The following CEP162 variants were observed in gnomAD, a reference collection of about 807,000 sequenced individuals.
CEP162 encodes centrosomal protein 162.
A neutral mutation model predicts 169.2 loss-of-function variants in CEP162; 141 were observed. The observed-to-expected ratio is 0.83, with a 90% CI of 0.73 to 0.96. The LOEUF (loss-of-function observed/expected upper bound fraction) is 0.96. Ranked by LOEUF, CEP162 falls within the 40% of genes least tolerant of loss-of-function variation. CEP162 has a pLI of 0.00. For missense variants in CEP162, 1,600 were observed against 1,587.2 expected (o/e 1.01, Z -0.14); for synonymous variants, 540 against 526.4 (o/e 1.03, Z -0.35).
Position 84,186,525 on chromosome 6 carries a change from T to C in CEP162, c.1208A>G (p.Asn403Ser). Reference protein sequence around the residue: ...NILSQDSQHVNLFFDKNDENV... With the variant: ...NILSQDSQHVSLFFDKNDENV... The stretch of plus-strand genomic sequence containing the variant: ...CTCATCATTTTTGTCAAAAAAAAGG[T>C]TCACATGTTGTGAGTCTTGAGACAA... The change falls in exon 12 of 27, where the codon AAC becomes AGC. Residue 403 changes from asparagine (N) to serine (S), a missense_variant. By Grantham distance (46) the Asn-to-Ser change is conservative. Transcript: ENST00000403245. 6.2e-7 allele frequency: 1 copy of C among 1,612,984 alleles called. No homozygotes were observed. Among genetic ancestry groups the C allele is most frequent in the African/African-American group, 1.3e-5 (1 of 75,020 alleles).
At chr6:84,157,817 G>A (rs540261511) in intron 21 of CEP162, among the ~76,000 whole-genome samples, 1 of 152,110 alleles carries the variant, frequency 6.6e-6, no homozygotes, top group African/African-American at 2.4e-5. Context: ...ACATGAGTGT[G>A]TAAACTTTTT....
intron 13 of CEP162, among the ~76,000 whole-genome samples, chr6:84,177,924 G>A (rs192895788): frequency 2.0e-5 from 3 of 152,290 alleles, no homozygotes; most frequent in East Asian, 1.9e-4. Context: ...AGGACACACC[G>A]TTATTTAGTG....
At chr6:84,200,166 C>T (rs1417799170) in intron 9 of CEP162, among the ~76,000 whole-genome samples, 1 of 152,164 alleles carries the variant, frequency 6.6e-6, no homozygotes, top group African/African-American at 2.4e-5. Flanking sequence ...GACAGAATTG[C>T]ATGAACCTGG....
chr6:84,151,225 G>A (rs535423585), intron 23 of CEP162, among the ~76,000 whole-genome samples: 3 of 152,124 alleles, frequency 2.0e-5, no homozygotes, highest in African/African-American at 7.2e-5. Context: ...AGTGACCCAG[G>A]TATATGAGTA....
rs1162254788 is a variant in CEP162, at chr6:84,163,181, CTCTT to C, written c.2471_2474del (p.Lys824ArgfsTer20). 3.7e-6 allele frequency: 6 copies of C among 1,613,386 alleles called. No homozygotes were observed. Among genetic ancestry groups the C allele is most frequent in the South Asian group, 1.1e-5 (1 of 91,078 alleles). On this transcript the variant is annotated frameshift_variant, in exon 19 of 27. Transcript: ENST00000403245. LOFTEE classifies it high-confidence loss of function. ...CAATCTGATCTTTGGCTTGGTCCCT[CTCTT>C]TCTTCATTTTTTCGAAGTCTACTTC... is the stretch of plus-strand genomic sequence containing the variant.
chr6:84,202,793 T>C (rs2099545149), intron 7 of CEP162, among the ~76,000 whole-genome samples: 1 of 152,136 alleles, frequency 6.6e-6, no homozygotes, highest in African/African-American at 2.4e-5. Context: ...ATATTCCAAG[T>C]ATAAATCTCA....
chr6:84,222,223 T>C (rs73487272), intron 2 of CEP162, among the ~76,000 whole-genome samples: 3,188 of 152,196 alleles, frequency 0.021, 104 homozygotes, highest in African/African-American at 0.071. Flanking sequence ...ATGCCACAAA[T>C]AAAGTACCAC....
At chr6:84,176,486 T>A (rs1389314663) in intron 13 of CEP162, among the ~76,000 whole-genome samples, 2 of 152,128 alleles carry the variant, frequency 1.3e-5, no homozygotes, top group African/African-American at 4.8e-5. Flanking sequence ...ATTAAATGAA[T>A]GGGGTGTGAT....
intron 25 of CEP162, among the ~76,000 whole-genome samples, chr6:84,134,927 C>T (rs867332914): frequency 0.02 from 3,009 of 147,848 alleles, 86 homozygotes; most frequent in African/African-American, 0.072. Flanking sequence ...TATACACACA[C>T]ACACACACAC....
chr6:84,194,153 G>C (rs1208140856), intron 10 of CEP162, among the ~76,000 whole-genome samples: 1 of 151,996 alleles, frequency 6.6e-6, no homozygotes, highest in African/African-American at 2.4e-5. Flanking sequence ...TCAGGAGTTC[G>C]AGAGCAGCCT....
intron 22 of CEP162, among the ~76,000 whole-genome samples, chr6:84,154,435 C>A (rs1275693821): frequency 1.3e-5 from 2 of 151,840 alleles, no homozygotes; most frequent in Non-Finnish European, 2.9e-5. Context: ...ATAGAAGAAA[C>A]CCAACCTCCT....
Position 84,149,667 on chromosome 6 carries a change from G to C in CEP162, c.3666C>G (p.Leu1222=). Residue 1222 remains leucine, a synonymous_variant, in exon 24 of 27, where the codon CTC becomes CTG. Transcript: ENST00000403245. The part of the protein sequence containing the change: ...KEDTAAHIAS[L]KASHQREIEK... ...CTATTTCTCTCTGATGAGATGCTTT[G>C]AGGGATGCAATGTGTGCTGCAGTAT... 3 of 1,588,054 alleles carry C rather than the reference G, an allele frequency of 1.9e-6. No individual in the cohort carries two copies. The highest frequency in any genetic ancestry group is 2.6e-6 in the Non-Finnish European group (3 of 1,165,910).
chr6:84,147,041 C>G (rs975000575), intron 24 of CEP162, among the ~76,000 whole-genome samples: 1 of 152,102 alleles, frequency 6.6e-6, no homozygotes, highest in African/African-American at 2.4e-5. Context: ...ACACCTGGCA[C>G]TTGCATGTTT....
At chr6:84,180,095 A>G (rs904934299) in intron 13 of CEP162, among the ~76,000 whole-genome samples, 3 of 152,226 alleles carry the variant, frequency 2.0e-5, no homozygotes, top group African/African-American at 2.4e-5. Flanking sequence ...AAAATCCTCA[A>G]TGAAATACTG....
chr6:84,225,462 C>T (rs148657748), intron 2 of CEP162, among the ~76,000 whole-genome samples: 29 of 152,250 alleles, frequency 1.9e-4, no homozygotes, highest in Middle Eastern at 3.4e-3. Context: ...TATAATCTTA[C>T]GGAACCATTG....
chr6:84,206,402 C>G (rs1015237077), intron 6 of CEP162, among the ~76,000 whole-genome samples: 3 of 152,070 alleles, frequency 2.0e-5, no homozygotes, highest in African/African-American at 7.3e-5. Context: ...ACAGAGCCCT[C>G]AGAAATAATA....
chr6:84,145,772 G>A (rs759586856), intron 25 of CEP162, among the ~76,000 whole-genome samples: 13 of 151,958 alleles, frequency 8.6e-5, no homozygotes, highest in Admixed American at 1.3e-4. Context: ...GCTAATATAC[G>A]GACAATTTTC....
chr6:84,216,261 CAG>C (rs1352883447), intron 3 of CEP162, among the ~76,000 whole-genome samples: 5 of 152,108 alleles, frequency 3.3e-5, no homozygotes, highest in African/African-American at 4.8e-5. Flanking sequence ...TTACATTTCT[CAG>C]AGAGTTTTTG....
intron 5 of CEP162, among the ~76,000 whole-genome samples, chr6:84,214,202 C>T (rs2099550661): frequency 6.6e-6 from 1 of 152,194 alleles, no homozygotes; most frequent in Non-Finnish European, 1.5e-5. Flanking sequence ...TGGTGTGATC[C>T]CGGGAGGTGG....
Sources: allele counts gnomAD v4.1 joint callset (sites outside exome capture counted in the v4.1 genomes callset), GRCh38; gene constraint gnomAD v4.1.1; transcripts MANE v1.5; gene names NCBI Gene and HGNC (gene_info 2026-07-23, HGNC 2026-07-21).